The following RNF180 variants were observed in gnomAD, a reference collection of about 807,000 sequenced individuals.
RNF180 encodes ring finger protein 180, also known as E3 ubiquitin-protein ligase RNF180.
RNF180 carries 38 observed loss-of-function variants against 59.2 expected under a neutral mutation model. That is an observed-to-expected ratio of 0.64 (90% CI 0.50 to 0.84). RNF180 has a LOEUF of 0.84. Ranked by LOEUF, RNF180 falls within the 40% of genes least tolerant of loss-of-function variation. The probability of loss-of-function intolerance (pLI) is 0.00; values close to 1 mark genes in which losing one functional copy is unlikely to be tolerated. For missense variants in RNF180, 705 were observed against 700.9 expected (o/e 1.01, Z -0.07); for synonymous variants, 262 against 240.3 (o/e 1.09, Z -0.84).
rs750706853 is a variant in RNF180, at chr5:64,280,438, T to A, written c.1228-44748T>A. On this transcript the variant is annotated intron_variant, in intron 5 of 7. Transcript: ENST00000389100. The stretch of plus-strand genomic sequence containing the variant: ...AAGTTTTCTTCTAGGGTTTTATAGT[T>A]TTATGGTTTATATTTAAGTCTTGAA... Among the ~76,000 whole-genome samples the A allele has an allele frequency of 3.0e-4, 45 of 152,320 alleles. No individual in the cohort carries two copies. The South Asian group carries it at 3.1e-3, about 11-fold the overall frequency.
chr5:64,241,933 G>A (rs1161695230), intron 5 of RNF180, among the ~76,000 whole-genome samples: 2 of 152,136 alleles, frequency 1.3e-5, no homozygotes, highest in Admixed American at 6.5e-5. Flanking sequence ...ACAGCCCCAT[G>A]TTCCAGGCTG....
At chr5:64,235,113 C>CA (rs912505587) in intron 5 of RNF180, among the ~76,000 whole-genome samples, 26 of 151,840 alleles carry the variant, frequency 1.7e-4, no homozygotes, top group Non-Finnish European at 1.3e-4. Flanking sequence ...CCAGTTTCTA[C>CA]AAAAAAACAA....
At chr5:64,237,133 C>T (rs1213635954) in intron 5 of RNF180, among the ~76,000 whole-genome samples, 1 of 152,186 alleles carries the variant, frequency 6.6e-6, no homozygotes, top group Non-Finnish European at 1.5e-5. Flanking sequence ...ACAGCTTGCA[C>T]CTTGAGCTTG....
chr5:64,166,020 G>T, intron 1 of RNF180, 67 bp downstream of exon 1: 1 of 152,918 alleles, frequency 6.5e-6, no homozygotes, highest in South Asian at 2.0e-4. Flanking sequence ...ACCTGGCCTC[G>T]GCCGGGCCCT....
chr5:64,321,212 TAGGAA>T (rs1744331836), intron 5 of RNF180, among the ~76,000 whole-genome samples: 1 of 152,044 alleles, frequency 6.6e-6, no homozygotes, highest in African/African-American at 2.4e-5. Flanking sequence ...GGTATGCAGA[TAGGAA>T]GAGAGGAAAT....
rs187253006 is a variant in RNF180, at chr5:64,369,637, A to G, written c.1602A>G (p.Pro534=). ...LFGGFRRHAA[P]VTRRQFPHGA... ...TAGGTTTCCGCAGACATGCAGCTCC[A>G]GTTACAAGAAGGCAGTTCCCACACG... Residue 534 remains proline (P), a synonymous_variant, in exon 8 of 8, where the codon CCA becomes CCG. Transcript: ENST00000389100. 76 of 1,522,970 alleles carry G rather than the reference A, an allele frequency of 5.0e-5. No individual in the cohort carries two copies. The African/African-American group carries it at 8.7e-4, about 17-fold the overall frequency. 94.3% of individuals were successfully genotyped at this position (1,522,970 alleles called of 1,614,324 possible).
chr5:64,217,679 C>T (rs1423493854), intron 5 of RNF180: 2 of 279,936 alleles, frequency 7.1e-6, no homozygotes, highest in Non-Finnish European at 1.2e-5. Context: ...GCTGGTGTGG[C>T]AGCTTATGTC....
intron 7 of RNF180, among the ~76,000 whole-genome samples, chr5:64,337,050 G>T (rs925297122): frequency 6.7e-6 from 1 of 149,468 alleles, no homozygotes; most frequent in Non-Finnish European, 1.5e-5. Context: ...TTGAGACAAC[G>T]TCTCACTCTG....
intron 7 of RNF180, among the ~76,000 whole-genome samples, chr5:64,359,231 A>C (rs201098668): frequency 0.047 from 7,112 of 149,730 alleles, 508 homozygotes; most frequent in African/African-American, 0.16. Flanking sequence ...CAATGGTTGA[A>C]CTAGTTTACA....
intron 1 of RNF180, among the ~76,000 whole-genome samples, chr5:64,190,433 C>A (rs60978090): frequency 1.3e-5 from 2 of 152,084 alleles, no homozygotes; most frequent in African/African-American, 4.8e-5. Context: ...TCATCCATAC[C>A]TGATTTAGAT....
intron 7 of RNF180, 29 bp downstream of exon 7, chr5:64,330,435 T>A: frequency 2.0e-6 from 3 of 1,522,184 alleles, no homozygotes; most frequent in Non-Finnish European, 2.6e-6. Flanking sequence ...AAAAAAAAAG[T>A]CTGGTAATTT....
chr5:64,199,202 A>G (rs1270855046), intron 1 of RNF180, among the ~76,000 whole-genome samples: 1 of 152,232 alleles, frequency 6.6e-6, no homozygotes, highest in Non-Finnish European at 1.5e-5. Flanking sequence ...AAGATGGGTC[A>G]GTAGAGACAG....
chr5:64,241,887 T>G (rs1742831444), intron 5 of RNF180, among the ~76,000 whole-genome samples: 1 of 152,152 alleles, frequency 6.6e-6, no homozygotes, highest in African/African-American at 2.4e-5. Context: ...CCATGGATGC[T>G]AACACCAGGC....
chr5:64,264,484 T>C (rs775643032), intron 5 of RNF180, among the ~76,000 whole-genome samples: 3 of 152,112 alleles, frequency 2.0e-5, no homozygotes, highest in Admixed American at 6.6e-5. Context: ...TGCAGTGTTT[T>C]GTTTTCTGTT....
chr5:64,339,692 G>T (rs913748481), intron 7 of RNF180, among the ~76,000 whole-genome samples: 40 of 151,548 alleles, frequency 2.6e-4, no homozygotes, highest in Non-Finnish European at 1.3e-4. Flanking sequence ...AAAATTAGTG[G>T]GTTTTTTTTT....
rs147392682 is a variant in RNF180 at position 64,229,216 on chromosome 5, C to T, written c.1227+11820C>T. ...CTGGGATTACAGGCTTGAGGCACTG[C>T]ACCTGGCCTAAAACTTTCTACTAAA... is the stretch of plus-strand genomic sequence containing the variant. On this transcript the variant is annotated intron_variant, in intron 5 of 7. Coordinates refer to ENST00000389100, the MANE Select transcript of RNF180 (RefSeq NM_001113561.2). Among the ~76,000 whole-genome samples, 612 of 152,232 alleles carry T rather than the reference C, an allele frequency of 4.0e-3. 9 individuals are homozygous for T. The highest frequency in any genetic ancestry group is 0.013 in the African/African-American group (558 of 41,544).
At chr5:64,346,714 G>T (rs575684839) in intron 7 of RNF180, among the ~76,000 whole-genome samples, 3 of 152,114 alleles carry the variant, frequency 2.0e-5, no homozygotes, top group Admixed American at 1.3e-4. Context: ...AAGTCCCAAT[G>T]CCCAGGCCAT....
intron 5 of RNF180, among the ~76,000 whole-genome samples, chr5:64,266,683 C>A (rs963422152): frequency 2.6e-5 from 4 of 152,000 alleles, no homozygotes; most frequent in Non-Finnish European, 5.9e-5. Flanking sequence ...AAAAGAAAAT[C>A]TTGTAACAAT....
intron 6 of RNF180, among the ~76,000 whole-genome samples, chr5:64,326,560 C>T (rs1190616255): frequency 6.6e-6 from 1 of 152,050 alleles, no homozygotes; most frequent in East Asian, 1.9e-4. Context: ...TAGTTTGTAA[C>T]CTTTTAACAG....
Sources: allele counts gnomAD v4.1 joint callset (sites outside exome capture counted in the v4.1 genomes callset), GRCh38; gene constraint gnomAD v4.1.1; transcripts MANE v1.5; gene names NCBI Gene and HGNC (gene_info 2026-07-23, HGNC 2026-07-21).